The following TTC21B variants were observed in gnomAD, a reference collection of about 807,000 sequenced individuals.
TTC21B encodes tetratricopeptide repeat domain 21B.
A neutral mutation model predicts 175.1 loss-of-function variants in TTC21B; 127 were observed. That is an observed-to-expected ratio of 0.73 (90% CI 0.63 to 0.84). The LOEUF is 0.84. Ranked by LOEUF, TTC21B falls within the 40% of genes least tolerant of loss-of-function variation. The pLI, the probability that TTC21B is intolerant of heterozygous loss-of-function variation, is 0.00. For synonymous variants in TTC21B, 524 were observed against 524.5 expected (o/e 1.00, Z 0.01); for missense variants, 1,561 against 1,558.3 (o/e 1.00, Z -0.03).
intron 15 of TTC21B, among the ~76,000 whole-genome samples, chr2:165,914,803 A>C (rs1400857758): frequency 3.9e-5 from 6 of 152,030 alleles, no homozygotes; most frequent in African/African-American, 1.4e-4. Context: ...GGTACATACT[A>C]AAATAACTTT....
chr2:165,923,452 T>G (rs556818298), intron 12 of TTC21B, among the ~76,000 whole-genome samples: 354 of 151,066 alleles, frequency 2.3e-3, no homozygotes, highest in African/African-American at 8.3e-3. Flanking sequence ...CTTTTTTTTT[T>G]TTTTTTTTTT....
At chr2:165,900,468 T>C (rs1328284130) in intron 20 of TTC21B, among the ~76,000 whole-genome samples, 1 of 152,262 alleles carries the variant, frequency 6.6e-6, no homozygotes, top group Non-Finnish European at 1.5e-5. Context: ...CATTAATTAT[T>C]TTCAGAAATT....
chr2:165,933,026 C>G lies in TTC21B; in HGVS notation c.742G>C (p.Ala248Pro). Residue 248 changes from alanine (A) to proline (P), a missense_variant, in exon 7 of 29, where the codon GCA becomes CCA. Physicochemically the swap from Ala to Pro is conservative, Grantham distance 27. Transcript: ENST00000243344. ...LLLQDSQNVE[A>P]LRMQALYYVC... is the part of the protein sequence containing the mutation. ...TAGTAGAGTGCCTGCATTCTCAGTG[C>G]TTCCACATTTTGGCTATCTTGGAGC... 6.2e-7 allele frequency: 1 copy of G among 1,612,952 alleles called. No homozygotes were observed. The highest frequency in any genetic ancestry group is 1.3e-5 in the African/African-American group (1 of 75,028).
chr2:165,903,457 T>C (rs1224945352), intron 19 of TTC21B, among the ~76,000 whole-genome samples: 1 of 152,232 alleles, frequency 6.6e-6, no homozygotes, highest in Non-Finnish European at 1.5e-5. Flanking sequence ...GGGAAGCTAC[T>C]ATGCCATGTT....
Position 165,953,748 on chromosome 2 carries a change from G to C in TTC21B, c.-43C>G. 6.5e-7 allele frequency: 1 copy of C among 1,548,200 alleles called. No individual in the cohort carries two copies. Among genetic ancestry groups the C allele is most frequent in the Non-Finnish European group, 8.7e-7 (1 of 1,146,218 alleles). Reference sequence around the variant, plus strand: ...GCCGCGGGGCTCTGGGGATTGTCTCGCCGCAGCCTAAAGGAAGACGCAGAA... The same window carrying C: ...GCCGCGGGGCTCTGGGGATTGTCTCCCCGCAGCCTAAAGGAAGACGCAGAA... On this transcript the variant is annotated 5_prime_UTR_variant, in exon 1 of 29. Coordinates refer to ENST00000243344, the MANE Select transcript of TTC21B (RefSeq NM_024753.5).
rs180753334 is a variant in TTC21B at position 165,900,333 on chromosome 2, G to A, written c.2758-453C>T. On this transcript the variant is annotated intron_variant, in intron 20 of 28. Coordinates refer to ENST00000243344, the MANE Select transcript of TTC21B (RefSeq NM_024753.5). Reference sequence around the variant, plus strand: ...CTGAAAAAGGTATCTGTTTGGTTATGCCTTGCTAAAGGTTGTTTTTGCCGT... The same window carrying A: ...CTGAAAAAGGTATCTGTTTGGTTATACCTTGCTAAAGGTTGTTTTTGCCGT... Among the ~76,000 whole-genome samples, 36 of 152,290 alleles carry A rather than the reference G, an allele frequency of 2.4e-4. No individual in the cohort carries two copies. In the East Asian group the frequency reaches 6.6e-3, roughly 28 times the overall value.
At chr2:165,882,472 A>G (rs1304868770) in intron 26 of TTC21B, among the ~76,000 whole-genome samples, 1 of 152,170 alleles carries the variant, frequency 6.6e-6, no homozygotes, top group African/African-American at 2.4e-5. Flanking sequence ...ATTCTTATCA[A>G]TACTTAAAGC....
At chr2:165,900,004 T>TAAAAA in intron 20 of TTC21B, 124 bp from the exon 21 acceptor site, 2 of 98,992 alleles carry the variant, frequency 2.0e-5, no homozygotes, top group South Asian at 1.0e-4. Context: ...CCAAGTATAA[T>TAAAAA]AGACAAAAAA....
At chr2:165,879,604 G>T (rs1393175615) in intron 27 of TTC21B, 1 of 151,872 alleles carries the variant, frequency 6.6e-6, no homozygotes, top group Non-Finnish European at 1.5e-5. Context: ...CTAATCAAAA[G>T]AAAAAAATAG....
intron 27 of TTC21B, chr2:165,880,045 T>C (rs1684789495): frequency 1.3e-5 from 2 of 153,488 alleles, no homozygotes; most frequent in Non-Finnish European, 2.9e-5. Context: ...TTCAACCCAA[T>C]ACAAAGAAAG....
intron 20 of TTC21B, 67 bp from the exon 21 acceptor site, chr2:165,899,947 G>A: frequency 1.0e-6 from 1 of 992,520 alleles, no homozygotes; most frequent in Non-Finnish European, 1.6e-6. Flanking sequence ...GAAAATACGT[G>A]GGTACAGATT....
intron 6 of TTC21B, 37 bp from the exon 7 acceptor site, chr2:165,933,094 T>G (rs376115450): frequency 6.3e-6 from 10 of 1,575,598 alleles, no homozygotes; most frequent in Non-Finnish European, 8.7e-6. Context: ...CAAAATAAAT[T>G]TATATATTTT....
chr2:165,949,267 T>C (rs1439988241), intron 3 of TTC21B, 127 bp downstream of exon 3: 3 of 733,700 alleles, frequency 4.1e-6, no homozygotes, highest in East Asian at 2.6e-5. Context: ...GATAAACATA[T>C]GTATAAATTG....
In TTC21B at chr2:165,924,669, G is replaced by C. The variant is rs956461172; in HGVS notation, c.1396C>G (p.Pro466Ala). 6.2e-7 allele frequency: 1 copy of C among 1,613,304 alleles called. No homozygotes were observed. Among genetic ancestry groups the C allele is most frequent in the African/African-American group, 1.3e-5 (1 of 74,876 alleles). The change falls in exon 12 of 29, where the codon CCT (proline) becomes GCT (alanine). Residue 466 changes from proline to alanine, a missense_variant. Pro to Ala is a conservative substitution (Grantham distance 27). Transcript: ENST00000243344. ...LSFCPMQPAS[P>A]GQPLCPLLRR... ...AGAAGTGGACAAAGAGGTTGCCCAG[G>C]ACTTGCAGGCTAAACAAAACAAATC...
chr2:165,880,013 G>C (rs1339978551), intron 27 of TTC21B: 4 of 152,956 alleles, frequency 2.6e-5, no homozygotes, highest in African/African-American at 4.8e-5. Flanking sequence ...AAACAGACTT[G>C]GGCAGTTTCA....
chr2:165,941,922 G>A (rs923026542), intron 5 of TTC21B, among the ~76,000 whole-genome samples: 1 of 152,080 alleles, frequency 6.6e-6, no homozygotes, highest in Non-Finnish European at 1.5e-5. Flanking sequence ...TTCTCATTCA[G>A]ATGTTATTGT....
At chr2:165,926,237 A>C (rs1371067814) in intron 11 of TTC21B, among the ~76,000 whole-genome samples, 1 of 152,196 alleles carries the variant, frequency 6.6e-6, no homozygotes, top group African/African-American at 2.4e-5. Flanking sequence ...CCCAACTACC[A>C]CTTAATGCAT....
intron 17 of TTC21B, among the ~76,000 whole-genome samples, chr2:165,912,308 G>C (rs1218936167): frequency 6.6e-6 from 1 of 152,126 alleles, no homozygotes; most frequent in Non-Finnish European, 1.5e-5. Flanking sequence ...GATGAAGCAA[G>C]GTCTAGGGTC....
intron 18 of TTC21B, among the ~76,000 whole-genome samples, chr2:165,908,828 A>G (rs908275176): frequency 1.3e-5 from 2 of 152,136 alleles, no homozygotes; most frequent in African/African-American, 4.8e-5. Context: ...ACTTTTCAAA[A>G]TGTATATCCA....
Sources: gnomAD v4.1 joint callset for allele counts (sites outside exome capture counted in the v4.1 genomes callset) on GRCh38, gnomAD v4.1.1 for gene constraint, MANE v1.5 for transcripts, NCBI Gene and HGNC (gene_info 2026-07-23, HGNC 2026-07-21) for gene names.